PNPLA3: variants seen among roughly 807,000 people sequenced by gnomAD.
The protein encoded by PNPLA3 is patatin like domain 3, 1-acylglycerol-3-phosphate O-acyltransferase.
PNPLA3 carries 42 observed loss-of-function variants against 43.1 expected under a neutral mutation model. The ratio of observed to expected loss-of-function variants is 0.97; its 90% CI spans 0.76 to 1.26. The LOEUF (loss-of-function observed/expected upper bound fraction) is 1.26, where lower values mean the gene tolerates loss of function less well. PNPLA3 is among the 50% of genes most tolerant of loss of function. The pLI, the probability that PNPLA3 is intolerant of heterozygous loss-of-function variation, is 0.00. For synonymous variants in PNPLA3, 272 were observed against 253.6 expected (o/e 1.07, Z -0.69); for missense variants, 647 against 621.4 (o/e 1.04, Z -0.44).
intron 5 of PNPLA3, 29 bp downstream of exon 5, chr22:43,934,695 G>A: frequency 6.3e-7 from 1 of 1,585,900 alleles, no homozygotes; most frequent in South Asian, 1.1e-5. Context: ...GATCAGCCAT[G>A]CCCTTTTGAC....
At chr22:43,945,807 G>A (rs569273260) in intron 8 of PNPLA3, among the ~76,000 whole-genome samples, 343 of 152,272 alleles carry the variant, frequency 2.3e-3, no homozygotes, top group Middle Eastern at 0.017. Flanking sequence ...CAGCCCTGGT[G>A]ACTGGTGGTC....
In PNPLA3 at chr22:43,934,995, T is replaced by C. The variant is rs546088293; in HGVS notation, c.757+329T>C. Among the ~76,000 whole-genome samples, 20 of 152,258 alleles carry C rather than the reference T, an allele frequency of 1.3e-4. 1 individual carries two copies. The South Asian group carries it at 4.2e-3, about 32-fold the overall frequency. On this transcript the variant is annotated intron_variant, in intron 5 of 8. Coordinates refer to ENST00000216180, the MANE Select transcript of PNPLA3 (RefSeq NM_025225.3). ...CGGTTTTTCTTTCCAGCTCGACCTC[T>C]TGTGACCCTTAGTTTAACAAGGGCC...
chr22:43,939,530 C>A, intron 6 of PNPLA3: 1 of 703,722 alleles, frequency 1.4e-6, no homozygotes, highest in Non-Finnish European at 1.8e-6. Context: ...AGGGAGCAGC[C>A]TGGGCCGGGC....
chr22:43,941,105 T>C (rs929876989), intron 7 of PNPLA3, among the ~76,000 whole-genome samples: 66 of 128,032 alleles, frequency 5.2e-4, no homozygotes, highest in African/African-American at 1.9e-3. Context: ...GCCGAGATCA[T>C]GCCACTGCAC....
chr22:43,946,248 G>T lies in PNPLA3; in HGVS notation c.1312G>T (p.Ala438Ser), dbSNP rs773997072. ...TCCCTGCTCCCCCAAGGGCTGTCCA[G>T]CAGAGACCAAAGCAGAGGCCACCCC... ...WTPCSPKGCP[A>S]ETKAEATPRS... The change falls in exon 9 of 9, where the codon GCA becomes TCA. Residue 438 changes from alanine to serine, a missense_variant. Physicochemically the swap from Ala to Ser is moderately conservative, Grantham distance 99. Transcript: ENST00000216180. 1.2e-6 allele frequency: 2 copies of T among 1,614,060 alleles called. No individual in the cohort carries two copies. The highest frequency in any genetic ancestry group is 4.5e-5 in the East Asian group (2 of 44,884).
chr22:43,938,730 C>T lies in PNPLA3; in HGVS notation c.980-1263C>T, dbSNP rs536028287. Among the ~76,000 whole-genome samples, 6 of 152,292 alleles carry T rather than the reference C, an allele frequency of 3.9e-5. No individual in the cohort carries two copies. In the South Asian group the frequency reaches 1.2e-3, roughly 32 times the overall value. On this transcript the variant is annotated intron_variant, in intron 6 of 8. Transcript: ENST00000216180. ...ATGAGATGTGGGCAGGGACACAGAT[C>T]CAAACCATATGACCAGATTAATACG...
At chr22:43,930,475 G>T (rs971873731) in intron 3 of PNPLA3, among the ~76,000 whole-genome samples, 1 of 152,162 alleles carries the variant, frequency 6.6e-6, no homozygotes, top group African/African-American at 2.4e-5. Flanking sequence ...CCCTTGTTAT[G>T]CTGGTGGCTT....
chr22:43,940,681 T>C (rs907649006), intron 7 of PNPLA3, among the ~76,000 whole-genome samples: 3 of 151,848 alleles, frequency 2.0e-5, no homozygotes, highest in African/African-American at 7.3e-5. Context: ...TGGTGGCACG[T>C]GCCTGTACTC....
rs2049982978 is a variant in PNPLA3, at chr22:43,934,591, T to G, written c.697-15T>G. The G allele has an allele frequency of 6.2e-7, 1 of 1,611,426 alleles. No homozygotes were observed. Among genetic ancestry groups the G allele is most frequent in the Non-Finnish European group, 8.5e-7 (1 of 1,177,712 alleles). On this transcript the variant is annotated splice_polypyrimidine_tract_variant and intron_variant, in intron 4 of 8. Transcript: ENST00000216180. ...TGTCTCCCTGCTGTAGTCCCCTTGCTTGCTTTGCTCACAGGTGCTGGGAGA... is the reference window on the plus strand; with the variant it reads ...TGTCTCCCTGCTGTAGTCCCCTTGCGTGCTTTGCTCACAGGTGCTGGGAGA...
chr22:43,924,508 G>A (rs886521005), intron 1 of PNPLA3, among the ~76,000 whole-genome samples: 1 of 152,176 alleles, frequency 6.6e-6, no homozygotes, highest in Non-Finnish European at 1.5e-5. Context: ...GGGAGGGGCT[G>A]GACGGGCTGA....
At chr22:43,935,886 C>T (rs536146928) in intron 5 of PNPLA3, among the ~76,000 whole-genome samples, 40 of 152,048 alleles carry the variant, frequency 2.6e-4, no homozygotes, top group Admixed American at 8.5e-4. Flanking sequence ...CCCCTGGATG[C>T]GGGACAGGAA....
chr22:43,933,278 G>A (rs779752274), intron 4 of PNPLA3, among the ~76,000 whole-genome samples, 191 bp downstream of exon 4: 4 of 152,196 alleles, frequency 2.6e-5, no homozygotes, highest in Non-Finnish European at 4.4e-5. Flanking sequence ...AATCACCTGG[G>A]AACATATACC....
intron 7 of PNPLA3, among the ~76,000 whole-genome samples, chr22:43,943,731 G>A (rs1036032059): frequency 7.9e-5 from 12 of 152,118 alleles, no homozygotes; most frequent in Non-Finnish European, 1.3e-4. Flanking sequence ...ATCTTTACAC[G>A]AAGATTTGGT....
Position 43,946,843 on chromosome 22 carries a change from G to C in PNPLA3, c.*461G>C, listed in dbSNP as rs751930941. The C allele has an allele frequency of 2.2e-6, 1 of 444,830 alleles. No individual in the cohort carries two copies. The highest frequency in any genetic ancestry group is 4.5e-6 in the Non-Finnish European group (1 of 224,716). The allele number at this position is 444,830 out of a possible 1,614,324, so 27.6% of individuals were successfully genotyped here. ...AGGGGTGCAGTTCGTCCCCAAGAAC[G>C]ACACTGCCTGTCAGGTGGTCTGCAA... On this transcript the variant is annotated 3_prime_UTR_variant, in exon 9 of 9. Transcript: ENST00000216180.
At chr22:43,941,314 T>TCTGATTGGGCTTCCC (rs2050029619) in intron 7 of PNPLA3, among the ~76,000 whole-genome samples, 1 of 147,008 alleles carries the variant, frequency 6.8e-6, no homozygotes, top group Admixed American at 6.8e-5. Context: ...TTGGGTTTCC[T>TCTGATTGGGCTTCCC]CTGATTGGGC....
rs779018280 is a variant in PNPLA3 at position 43,937,031 on chromosome 22, G to C, written c.758-20G>C. On this transcript the variant is annotated intron_variant, in intron 5 of 8. Transcript: ENST00000216180. ...ACTCCCACGTTCGCCTGATGGGCTT[G>C]TTTTCCGTGCCCTTCACAGGCATCT... 6.7e-5 allele frequency: 107 copies of C among 1,605,434 alleles called. No individual in the cohort carries two copies. Among genetic ancestry groups the C allele is most frequent in the Non-Finnish European group, 9.1e-5 (107 of 1,174,636 alleles).
intron 1 of PNPLA3, chr22:43,924,395 G>T (rs1032620442): frequency 5.0e-6 from 2 of 397,916 alleles, no homozygotes; most frequent in South Asian, 5.3e-5. Context: ...CTCACCTCCG[G>T]ACTGAGAGTC....
intron 7 of PNPLA3, among the ~76,000 whole-genome samples, chr22:43,942,229 C>G (rs1317348461): frequency 6.6e-6 from 1 of 152,216 alleles, no homozygotes; most frequent in Non-Finnish European, 1.5e-5. Flanking sequence ...CAGCTACATC[C>G]TGCCATCTTC....
Position 43,946,452 on chromosome 22 carries a change from C to T in PNPLA3, c.*70C>T. The stretch of plus-strand genomic sequence containing the variant: ...AAGTTTCCCATCTTTGTGCAGCTAC[C>T]TCCGCATTGCTGTGTAGTGACCCCT... On this transcript the variant is annotated 3_prime_UTR_variant, in exon 9 of 9. Coordinates refer to ENST00000216180, the MANE Select transcript of PNPLA3 (RefSeq NM_025225.3). The T allele has an allele frequency of 7.2e-7, 1 of 1,393,660 alleles. No homozygotes were observed. Among genetic ancestry groups the T allele is most frequent in the Non-Finnish European group, 1.0e-6 (1 of 983,048 alleles). The allele number at this position is 1,393,660 out of a possible 1,614,324, so 86.3% of individuals were successfully genotyped here.
Sources: gnomAD v4.1 joint callset for allele counts (sites outside exome capture counted in the v4.1 genomes callset) on GRCh38, gnomAD v4.1.1 for gene constraint, MANE v1.5 for transcripts, NCBI Gene and HGNC (gene_info 2026-07-23, HGNC 2026-07-21) for gene names.